The following PRX variants were observed in gnomAD, a reference collection of about 807,000 sequenced individuals.
The protein encoded by PRX is periaxin.
In PRX, 24 loss-of-function variants were observed where a neutral mutation model predicts 29.6. The observed-to-expected ratio is 0.81, with a 90% confidence interval of 0.59 to 1.14. PRX has a LOEUF of 1.14. PRX is among the 50% of genes most tolerant of loss of function. PRX has a pLI of 0.00. For synonymous variants in PRX, 772 were observed against 831.7 expected, an observed-to-expected ratio of 0.93 and a Z score of 1.24; for missense variants, 1,838 against 1,926.4, an observed-to-expected ratio of 0.95 and a Z score of 0.86.
chr19:40,396,280 A>G lies in PRX; in HGVS notation c.2072T>C (p.Met691Thr). Residue 691 changes from methionine to threonine, a missense_variant, in exon 7 of 7, where the codon ATG becomes ACG. This residue lies in a region of PRX where 1,143 missense variants were observed against 1,193.0 expected (regional missense o/e 0.96). Transcript: ENST00000324001. ...CATTTCAGGCACCTTGGGGAGTTTC[A>G]TCTCTGAGACTTTTGGCAGCTGCAC... ...PEVQLPKVSE[M>T]KLPKVPEMAV... The G allele has an allele frequency of 6.2e-7, 1 of 1,613,022 alleles. No individual in the cohort carries two copies. The highest frequency in any genetic ancestry group is 8.5e-7 in the Non-Finnish European group (1 of 1,179,828).
Position 40,407,902 on chromosome 19 carries a change from T to C in PRX, c.27+4A>G, listed in dbSNP as rs2079539566. The C allele has an allele frequency of 1.9e-6, 3 of 1,613,554 alleles. No homozygotes were observed. The highest frequency in any genetic ancestry group is 2.5e-6 in the Non-Finnish European group (3 of 1,180,018). ...TGCGCCTTGCAGGACACGTGGGCAC[T>C]CACCTCGGCACTCCGGCTCCTGGCC... On this transcript the variant is annotated splice_donor_region_variant and intron_variant, in intron 4 of 6. Coordinates refer to ENST00000324001, the MANE Select transcript of PRX (RefSeq NM_181882.3).
intron 4 of PRX, chr19:40,407,592 C>T: frequency 1.9e-6 from 1 of 520,336 alleles, no homozygotes; most frequent in Non-Finnish European, 3.5e-6. Context: ...TGCGCCACTG[C>T]ACCTGGCATA....
chr19:40,396,433 T>C lies in PRX; in HGVS notation c.1919A>G (p.Lys640Arg), dbSNP rs781739632. The C allele has an allele frequency of 1.1e-5, 17 of 1,612,022 alleles. No individual in the cohort carries two copies. In the Admixed American group the frequency reaches 2.7e-4, roughly 25 times the overall value. Residue 640 changes from lysine (K) to arginine (R), a missense_variant, in exon 7 of 7, where the codon AAA becomes AGA. Coordinates refer to ENST00000324001, the MANE Select transcript of PRX (RefSeq NM_181882.3). ...AGCCATCTCGGGCACCTTCGGGAGTTTCACCTCAGGGAGTTTCATCTCAGG... is the reference window on the plus strand; with the variant it reads ...AGCCATCTCGGGCACCTTCGGGAGTCTCACCTCAGGGAGTTTCATCTCAGG... ...KLPEMKLPEV[K>R]LPKVPEMAVP...
At chr19:40,403,915 A>G in intron 4 of PRX, 53 bp from the exon 5 acceptor site, 1 of 1,578,210 alleles carries the variant, frequency 6.3e-7, no homozygotes, top group Non-Finnish European at 8.6e-7. Context: ...GACCTCGCCC[A>G]GAGCCCGCCA....
intron 5 of PRX, among the ~76,000 whole-genome samples, chr19:40,401,553 C>T (rs1224413678): frequency 1.3e-5 from 2 of 152,132 alleles, no homozygotes; most frequent in African/African-American, 2.4e-5. Flanking sequence ...TCTTATAAAG[C>T]CCTCTAAAAA....
rs1052344236 is a variant in PRX, at chr19:40,397,897, G to A, written c.455C>T (p.Ala152Val). Residue 152 changes from alanine to valine, a missense_variant, in exon 7 of 7, where the codon GCC (alanine) becomes GTC (valine). Ala to Val is a moderately conservative substitution (Grantham distance 64, BLOSUM62 0). Around this residue, in one of 3 missense-constraint regions of PRX, gnomAD observed 666 missense variants for 665.0 expected, o/e 1.00. Coordinates refer to ENST00000324001, the MANE Select transcript of PRX (RefSeq NM_181882.3). ...AAAGGAGAACTCGACGTCAACAGGG[G>A]CCAGGTCAGCGGGGACCCCCAGAGC... ...PGALGVPADL[A>V]PVDVEFSFPK... 6.2e-7 allele frequency: 1 copy of A among 1,612,334 alleles called. No individual in the cohort carries two copies. Among genetic ancestry groups the A allele is most frequent in the South Asian group, 1.1e-5 (1 of 90,790 alleles).
At position 40,398,412 on chromosome 19, in the gene PRX, T is replaced by G; in HGVS notation, c.381+208A>C. Reference sequence around the variant, plus strand: ...CGATGGTGGGGACGCCTCTCCGAGGTGGGTGAGGGCCCTGGGCTGGGGTGG... The same window carrying G: ...CGATGGTGGGGACGCCTCTCCGAGGGGGGTGAGGGCCCTGGGCTGGGGTGG... On this transcript the variant is annotated intron_variant, in intron 6 of 6. Transcript: ENST00000324001. The surrounding 1 kb of genome is among the most constrained non-coding windows in gnomAD (Gnocchi z 6.3). The G allele has an allele frequency of 2.7e-6, 4 of 1,474,334 alleles. No homozygotes were observed. Among genetic ancestry groups the G allele is most frequent in the Non-Finnish European group, 3.6e-6 (4 of 1,120,484 alleles). 91.3% of individuals were successfully genotyped at this position (1,474,334 alleles called of 1,614,324 possible).
At chr19:40,410,082 C>G (rs1005561687) in intron 1 of PRX, among the ~76,000 whole-genome samples, 1 of 152,156 alleles carries the variant, frequency 6.6e-6, no homozygotes, top group African/African-American at 2.4e-5. Flanking sequence ...CTCGGAAAAC[C>G]CCATTTCCTG....
Position 40,398,912 on chromosome 19 carries a change from C to A in PRX, c.185-96G>T. 1 of 1,577,498 alleles carries A rather than the reference C, an allele frequency of 6.3e-7. No homozygotes were observed. The highest frequency in any genetic ancestry group is 8.6e-7 in the Non-Finnish European group (1 of 1,161,590). ...TGCACGGAGCCCTCGCGGTGAGGACCCGCCCCAAATTTTAGTTTCTCCAAT... is the reference window on the plus strand; with the variant it reads ...TGCACGGAGCCCTCGCGGTGAGGACACGCCCCAAATTTTAGTTTCTCCAAT... On this transcript the variant is annotated intron_variant, in intron 5 of 6. Transcript: ENST00000324001. This position sits in a 1 kb window ranked among gnomAD's most constrained non-coding sequence, Gnocchi z 6.3.
Position 40,395,307 on chromosome 19 carries a change from C to G in PRX, c.3045G>C (p.Lys1015Asn). 2 of 1,613,642 alleles carry G rather than the reference C, an allele frequency of 1.2e-6. No homozygotes were observed. The highest frequency in any genetic ancestry group is 1.3e-5 in the African/African-American group (1 of 75,028). ...GGAGAGCAAACCTGGGCCCCTTGAA[C>G]TTGAGGTCGGCCCCTGCCACCTCTA... ...GKVEVAGADL[K>N]FKGPRFALPK... is the part of the protein sequence containing the mutation. Residue 1015 changes from lysine (K) to asparagine (N), a missense_variant, in exon 7 of 7, where the codon AAG becomes AAC. This residue lies in a region of PRX where 1,143 missense variants were observed against 1,193.0 expected (regional missense o/e 0.96). Coordinates refer to ENST00000324001, the MANE Select transcript of PRX (RefSeq NM_181882.3).
At chr19:40,401,591 C>T (rs1027227856) in intron 5 of PRX, among the ~76,000 whole-genome samples, 1 of 152,112 alleles carries the variant, frequency 6.6e-6, no homozygotes, top group East Asian at 1.9e-4. Flanking sequence ...CTCTGGCCTT[C>T]TCTCTTACTC....
At chr19:40,408,949 G>A (rs1021456166) in intron 1 of PRX, among the ~76,000 whole-genome samples, 3 of 152,068 alleles carry the variant, frequency 2.0e-5, no homozygotes, top group African/African-American at 4.8e-5. Context: ...TCCCGCCTCA[G>A]CCTCCCGAGT....
intron 4 of PRX, among the ~76,000 whole-genome samples, chr19:40,406,774 T>TTC (rs992177503): frequency 6.3e-5 from 6 of 95,826 alleles, no homozygotes; most frequent in African/African-American, 2.4e-4. Flanking sequence ...TCCATTTCTT[T>TTC]TTTTTTTTTT....
rs1265618408 is a variant in PRX at position 40,403,876 on chromosome 19, C to G, written c.28-14G>C. 6.2e-7 allele frequency: 1 copy of G among 1,605,042 alleles called. No homozygotes were observed. Among genetic ancestry groups the G allele is most frequent in the Non-Finnish European group, 8.5e-7 (1 of 1,178,610 alleles). ...CCGCCTCAGCTCCTGCAGAGGGCGGCGAGGTGTCGCGTTGGGGCTCTAGGG... is the reference window on the plus strand; with the variant it reads ...CCGCCTCAGCTCCTGCAGAGGGCGGGGAGGTGTCGCGTTGGGGCTCTAGGG... On this transcript the variant is annotated splice_polypyrimidine_tract_variant and intron_variant, in intron 4 of 6. Transcript: ENST00000324001.
At chr19:40,406,258 A>AAG (rs2079529870) in intron 4 of PRX, among the ~76,000 whole-genome samples, 1 of 151,376 alleles carries the variant, frequency 6.6e-6, no homozygotes, top group African/African-American at 2.4e-5. Context: ...AAAAAAAAAA[A>AAG]AAAAAAGAGT....
chr19:40,397,749 C>G lies in PRX; in HGVS notation c.603G>C (p.Glu201Asp), dbSNP rs1322295289. Residue 201 changes from glutamate to aspartate, a missense_variant, in exon 7 of 7, where the codon GAG (glutamate) becomes GAC (aspartate). Physicochemically the swap from Glu to Asp is conservative, Grantham distance 45. Coordinates refer to ENST00000324001, the MANE Select transcript of PRX (RefSeq NM_181882.3). The part of the protein sequence containing the change: ...PRLRVREVAE[E>D]AQAARLAAAA... ...CGGCGGCCAGCCGGGCTGCCTGAGC[C>G]TCTTCGGCCACTTCTCGTACACGCA... The G allele has an allele frequency of 3.2e-6, 5 of 1,564,592 alleles. No individual in the cohort carries two copies. The highest frequency in any genetic ancestry group is 3.5e-6 in the Non-Finnish European group (4 of 1,156,304).
intron 5 of PRX, among the ~76,000 whole-genome samples, chr19:40,401,266 C>T (rs1266952362): frequency 6.6e-6 from 1 of 151,422 alleles, no homozygotes; most frequent in Non-Finnish European, 1.5e-5. Context: ...GCTCCTAAAC[C>T]TGCCTTCATA....
At position 40,403,712 on chromosome 19, in the gene PRX, G is replaced by T. The variant is rs781393814; in HGVS notation, c.178C>A (p.Gln60Lys). ...DSPAARSLSL[Q>K]EGDQLLSARV... ...ACACCCCGGGCCCGCCCACCTTCCT[G>T]CAGGCTGAGGCTCCTGGCGGCGGGT... Residue 60 changes from glutamine to lysine, a missense_variant, in exon 5 of 7, where the codon CAG (glutamine) becomes AAG (lysine). By Grantham distance (53) the Gln-to-Lys change is moderately conservative (BLOSUM62 1). Coordinates refer to ENST00000324001, the MANE Select transcript of PRX (RefSeq NM_181882.3). 1.4e-5 allele frequency: 21 copies of T among 1,554,342 alleles called. No homozygotes were observed. The highest frequency in any genetic ancestry group is 1.8e-5 in the Non-Finnish European group (21 of 1,149,576).
At chr19:40,404,725 C>T (rs369517674) in intron 4 of PRX, among the ~76,000 whole-genome samples, 45 of 152,062 alleles carry the variant, frequency 3.0e-4, no homozygotes, top group Non-Finnish European at 3.7e-4. Flanking sequence ...CACGCGCCAC[C>T]ACGCCCAGCT....
Sources: gnomAD v4.1 joint callset for allele counts (sites outside exome capture counted in the v4.1 genomes callset) on GRCh38, gnomAD v4.1.1 for gene constraint, gnomAD v4.1.1 regional missense constraint, Gnocchi (gnomAD v3.1) non-coding constraint, MANE v1.5 for transcripts, NCBI Gene and HGNC (gene_info 2026-07-23, HGNC 2026-07-21) for gene names.